Variants in IL17B observed in about 807,000 individuals in gnomAD.
IL17B encodes interleukin 17B.
IL17B carries 14 observed loss-of-function variants against 14.7 expected under a neutral mutation model. The ratio of observed to expected loss-of-function variants is 0.95; its 90% CI spans 0.63 to 1.49. The LOEUF (loss-of-function observed/expected upper bound fraction) is 1.49, where lower values mean the gene tolerates loss of function less well. Ranked by LOEUF, IL17B falls within the 40% of genes most tolerant of loss-of-function variation. IL17B has a pLI of 0.00. For missense variants in IL17B, 233 were observed against 252.8 expected (o/e 0.92, Z 0.53); for synonymous variants, 105 against 94.8 (o/e 1.11, Z -0.62).
intron 1 of IL17B, among the ~76,000 whole-genome samples, chr5:149,400,956 C>A (rs1759193941): frequency 6.6e-6 from 1 of 152,194 alleles, no homozygotes; most frequent in Non-Finnish European, 1.5e-5. Context: ...TAGATGCTGC[C>A]CCTCTGCATT....
At chr5:149,402,487 A>G (rs901357081) in intron 1 of IL17B, among the ~76,000 whole-genome samples, 2 of 152,022 alleles carry the variant, frequency 1.3e-5, no homozygotes, top group African/African-American at 4.8e-5. Flanking sequence ...CCATTCCCAA[A>G]GATACTACCT....
chr5:149,377,870 G>A (rs2227452), intron 1 of IL17B, among the ~76,000 whole-genome samples: 46,628 of 151,784 alleles, frequency 0.31, 7,251 homozygotes, highest in African/African-American at 0.33. Context: ...GTGGCCGGGC[G>A]TGGTGGCTCA....
At chr5:149,391,167 T>C (rs138909721) in intron 1 of IL17B, among the ~76,000 whole-genome samples, 60 of 152,342 alleles carry the variant, frequency 3.9e-4, no homozygotes, top group African/African-American at 1.4e-3. Flanking sequence ...GATTTTACCA[T>C]GTTGGCCAGA....
chr5:149,401,881 G>A (rs1759210672), intron 1 of IL17B, among the ~76,000 whole-genome samples: 1 of 152,228 alleles, frequency 6.6e-6, no homozygotes, highest in Non-Finnish European at 1.5e-5. Context: ...TCCACCCAGA[G>A]ATAACTTCTC....
At chr5:149,378,862 CTG>C (rs939797401) in intron 1 of IL17B, among the ~76,000 whole-genome samples, 2 of 152,220 alleles carry the variant, frequency 1.3e-5, no homozygotes, top group African/African-American at 4.8e-5. Flanking sequence ...AGATGGGACA[CTG>C]AGAAACAGAA....
At chr5:149,379,944 A>G (rs1758648162), upstream of IL17B, among the ~76,000 whole-genome samples, 1 of 152,154 alleles carries the variant, frequency 6.6e-6, no homozygotes, top group Non-Finnish European at 1.5e-5. Context: ...CTTTCCGCAC[A>G]ATTTCAGCCT....
intron 2 of IL17B, among the ~76,000 whole-genome samples, chr5:149,375,581 T>C (rs942692978): frequency 1.3e-5 from 2 of 152,210 alleles, no homozygotes; most frequent in African/African-American, 4.8e-5. Context: ...CAGTAGCCAC[T>C]AGCTTCATGT....
intron 1 of IL17B, among the ~76,000 whole-genome samples, chr5:149,389,610 C>T (rs1758897626): frequency 2.0e-5 from 3 of 152,234 alleles, no homozygotes; most frequent in African/African-American, 7.2e-5. Flanking sequence ...CAACATTCTT[C>T]AGCACTGGGA....
At chr5:149,390,023 T>C (rs1024574278) in intron 1 of IL17B, among the ~76,000 whole-genome samples, 2 of 152,114 alleles carry the variant, frequency 1.3e-5, no homozygotes, top group Non-Finnish European at 2.9e-5. Context: ...AAGGGGATAT[T>C]TAATTTTCCC....
At chr5:149,398,256 T>C (rs1023423306) in intron 1 of IL17B, among the ~76,000 whole-genome samples, 1 of 152,236 alleles carries the variant, frequency 6.6e-6, no homozygotes, top group Non-Finnish European at 1.5e-5. Context: ...ACTTTAGATA[T>C]TAGAGATTTA....
At chr5:149,386,939 CAA>C (rs1758837625) in intron 1 of IL17B, among the ~76,000 whole-genome samples, 2 of 152,190 alleles carry the variant, frequency 1.3e-5, no homozygotes, top group South Asian at 4.1e-4. Context: ...CTCCTGAACT[CAA>C]GTGATCTACC....
intron 1 of IL17B, among the ~76,000 whole-genome samples, chr5:149,378,061 C>A (rs1340573874): frequency 6.6e-6 from 1 of 151,872 alleles, no homozygotes; most frequent in Non-Finnish European, 1.5e-5. Context: ...GGAGAATGGC[C>A]TGAACCCGGG....
At chr5:149,386,429 C>T (rs1363468463) in intron 1 of IL17B, among the ~76,000 whole-genome samples, 1 of 152,154 alleles carries the variant, frequency 6.6e-6, no homozygotes, top group East Asian at 1.9e-4. Context: ...CTATCCTCAT[C>T]CTCCTGACCC....
At chr5:149,402,273 G>A (rs1015924933) in intron 1 of IL17B, among the ~76,000 whole-genome samples, 2 of 152,206 alleles carry the variant, frequency 1.3e-5, no homozygotes, top group East Asian at 3.9e-4. Flanking sequence ...AGCCACGGTA[G>A]TGGAAGACGG....
intron 1 of IL17B, among the ~76,000 whole-genome samples, chr5:149,393,872 G>A (rs948237144): frequency 2.0e-5 from 3 of 152,126 alleles, no homozygotes; most frequent in Non-Finnish European, 2.9e-5. Context: ...CTCTGAAAAA[G>A]AGTGTTGAGG....
At chr5:149,389,616 T>A (rs1758897901) in intron 1 of IL17B, among the ~76,000 whole-genome samples, 1 of 152,224 alleles carries the variant, frequency 6.6e-6, no homozygotes, top group South Asian at 2.1e-4. Flanking sequence ...TCTTCAGCAC[T>A]GGGATGGGGA....
chr5:149,377,994 A>G (rs928765669), intron 1 of IL17B, among the ~76,000 whole-genome samples: 3 of 152,022 alleles, frequency 2.0e-5, no homozygotes, highest in Non-Finnish European at 2.9e-5. Flanking sequence ...ATACAAAAAA[A>G]TTAGCCGGGT....
chr5:149,391,994 C>T (rs111331825), intron 1 of IL17B, among the ~76,000 whole-genome samples: 2 of 152,222 alleles, frequency 1.3e-5, no homozygotes, highest in African/African-American at 4.8e-5. Flanking sequence ...ACTCTCTCTC[C>T]CAGGCTGCCT....
upstream of IL17B, among the ~76,000 whole-genome samples, chr5:149,381,343 C>T (rs1347164083): frequency 2.6e-5 from 4 of 152,230 alleles, no homozygotes; most frequent in African/African-American, 9.6e-5. Flanking sequence ...CATCTTAGCA[C>T]GAGGCCAGTT....
Sources: gnomAD v4.1 joint callset for allele counts (sites outside exome capture counted in the v4.1 genomes callset) on GRCh38, gnomAD v4.1.1 for gene constraint, MANE v1.5 for transcripts, NCBI Gene and HGNC (gene_info 2026-07-23, HGNC 2026-07-21) for gene names.